PNPLA5: variants seen among roughly 807,000 people sequenced by gnomAD.
PNPLA5 encodes the protein patatin-like phospholipase domain-containing protein 5.
Under a neutral mutation model 49.1 loss-of-function variants are expected in PNPLA5, and 44 were observed. The ratio of observed to expected loss-of-function variants is 0.90; its 90% confidence interval spans 0.70 to 1.15. The LOEUF (loss-of-function observed/expected upper bound fraction) is 1.15. PNPLA5 is among the 50% of genes most tolerant of loss of function. PNPLA5 has a pLI of 0.00. For missense variants in PNPLA5, 603 were observed against 564.0 expected (o/e 1.07, Z -0.70); for synonymous variants, 243 against 244.4 (o/e 0.99, Z 0.06).
At chr22:43,889,763 C>A (rs2049703781) in intron 3 of PNPLA5, 36 bp downstream of exon 3, 1 of 1,602,596 alleles carries the variant, frequency 6.2e-7, no homozygotes, top group Non-Finnish European at 8.5e-7. Context: ...CCCCAGGCTG[C>A]CCAGAGCACA....
chr22:43,881,698 T>C (rs1245400691), intron 7 of PNPLA5, 24 bp from the exon 8 acceptor site: 1 of 1,611,006 alleles, frequency 6.2e-7, no homozygotes, highest in Non-Finnish European at 8.5e-7. Context: ...CAGGTCAGCT[T>C]TGCCCAGGTG....
In PNPLA5 at chr22:43,881,638, C is replaced by G. The variant is rs776633421; in HGVS notation, c.1119G>C (p.Leu373Phe). ...TCCTCAGCAGGCCCTGCATCCACCA[C>G]AAGTCCGCCGGCACATCGGGCAGCC... The part of the protein sequence containing the change: ...VVWLPDVPAD[L>F]WWMQGLLRNM... The change falls in exon 8 of 9, where the codon TTG becomes TTC. Residue 373 changes from leucine (L) to phenylalanine (F), a missense_variant. Physicochemically the swap from Leu to Phe is conservative, Grantham distance 22 (BLOSUM62 0). Coordinates refer to ENST00000216177, the MANE Select transcript of PNPLA5 (RefSeq NM_138814.4). The G allele has an allele frequency of 1.9e-6, 3 of 1,613,768 alleles. No individual in the cohort carries two copies. In the South Asian group the frequency reaches 3.3e-5, roughly 18 times the overall value.
At chr22:43,881,406 G>A (rs1277646147) in intron 8 of PNPLA5, 152 bp downstream of exon 8, 5 of 763,296 alleles carry the variant, frequency 6.6e-6, no homozygotes, top group South Asian at 5.6e-5. Context: ...CAACACACGT[G>A]CCAATGGCTG....
Position 43,886,444 on chromosome 22 carries a change from G to T in PNPLA5, c.808C>A (p.Pro270Thr), listed in dbSNP as rs759969959. The stretch of plus-strand genomic sequence containing the variant: ...CAGTTTCCGTCAGCCGGGGCTGGGG[G>T]TTCCTTAGACACCAGCGTCCATAGC... Reference protein sequence around the residue: ...PVLWTLVSKEPPAPADGNWDA... With the variant: ...PVLWTLVSKETPAPADGNWDA... Residue 270 changes from proline (P) to threonine (T), a missense_variant, in exon 6 of 9, where the codon CCC becomes ACC. By Grantham distance (38) the Pro-to-Thr change is conservative. Transcript: ENST00000216177. 1.9e-6 allele frequency: 3 copies of T among 1,614,120 alleles called. No individual in the cohort carries two copies. The South Asian group carries it at 3.3e-5, about 18-fold the overall frequency.
Position 43,887,642 on chromosome 22 carries a change from C to G in PNPLA5, c.712G>C (p.Asp238His), listed in dbSNP as rs749416949. Reference sequence around the variant, plus strand: ...TCCAGGTAGCCTTGTCTGCAGTTGTCGGCCACTACCTGCCAACACACAGGG... The same window carrying G: ...TCCAGGTAGCCTTGTCTGCAGTTGTGGGCCACTACCTGCCAACACACAGGG... The part of the protein sequence containing the change: ...LIPPSLEVVA[D>H]NCRQGYLDAL... The change falls in exon 5 of 9, where the codon GAC (aspartate) becomes CAC (histidine). Residue 238 changes from aspartate (D) to histidine (H), a missense_variant. Transcript: ENST00000216177. 4 of 1,603,970 alleles carry G rather than the reference C, an allele frequency of 2.5e-6. No homozygotes were observed. The highest frequency in any genetic ancestry group is 2.6e-6 in the Non-Finnish European group (3 of 1,174,600).
At chr22:43,883,457 C>A (rs1331949174) in intron 7 of PNPLA5, among the ~76,000 whole-genome samples, 2 of 152,252 alleles carry the variant, frequency 1.3e-5, no homozygotes, top group Non-Finnish European at 2.9e-5. Context: ...CATTAACCAG[C>A]AAGTCAGAAT....
chr22:43,887,493 G>A, intron 5 of PNPLA5, 98 bp downstream of exon 5: 1 of 1,394,230 alleles, frequency 7.2e-7, no homozygotes, highest in Admixed American at 2.0e-5. Flanking sequence ...AAGAGACTGA[G>A]TTAGCCCATG....
intron 8 of PNPLA5, 51 bp downstream of exon 8, chr22:43,881,507 T>TC (rs1300659059): frequency 1.3e-6 from 2 of 1,502,590 alleles, no homozygotes; most frequent in Non-Finnish European, 1.8e-6. Context: ...GCTGGTGCGT[T>TC]CCCCCCAGCA....
At chr22:43,883,527 G>C (rs1186309191) in intron 7 of PNPLA5, among the ~76,000 whole-genome samples, 1 of 152,236 alleles carries the variant, frequency 6.6e-6, no homozygotes, top group Non-Finnish European at 1.5e-5. Flanking sequence ...TACAGAAAAG[G>C]AACCTGTAGC....
In PNPLA5 at chr22:43,890,406, C is replaced by A. The variant is rs184224064; in HGVS notation, c.427-542G>T. Among the ~76,000 whole-genome samples, 37 of 152,350 alleles carry A rather than the reference C, an allele frequency of 2.4e-4. 1 individual carries two copies. In the East Asian group the frequency reaches 4.6e-3, roughly 19 times the overall value. ...CAACTAGGAGTGATTTTCTCCCCTA[C>A]AGGACACCTAACAATGTCAGAGACA... On this transcript the variant is annotated intron_variant, in intron 2 of 8. Coordinates refer to ENST00000216177, the MANE Select transcript of PNPLA5 (RefSeq NM_138814.4).
chr22:43,889,522 GC>G lies in PNPLA5; in HGVS notation c.508del (p.Ala170LeufsTer2). ...EFRGERYIDG[A>X]LSNNLPFADC... ...TGCAAAGGGCAAGTTGTTGCTCAGA[GC>G]CCCATCGATGTAGCGCTGCAATTTG... On this transcript the variant is annotated frameshift_variant, in exon 4 of 9. Transcript: ENST00000216177. LOFTEE classifies it high-confidence loss of function. The G allele has an allele frequency of 6.2e-7, 1 of 1,611,376 alleles. No homozygotes were observed. Among genetic ancestry groups the G allele is most frequent in the Non-Finnish European group, 8.5e-7 (1 of 1,178,304 alleles).
At chr22:43,885,879 G>A (rs1040420856) in intron 6 of PNPLA5, among the ~76,000 whole-genome samples, 7 of 152,206 alleles carry the variant, frequency 4.6e-5, no homozygotes, top group Non-Finnish European at 1.0e-4. Flanking sequence ...GTTGTTGGAA[G>A]GATGAAATGA....
Position 43,889,393 on chromosome 22 carries a change from C to G in PNPLA5, c.638G>C (p.Ser213Thr). 1 of 1,614,020 alleles carries G rather than the reference C, an allele frequency of 6.2e-7. No homozygotes were observed. Among genetic ancestry groups the G allele is most frequent in the South Asian group, 1.1e-5 (1 of 91,058 alleles). The change falls in exon 4 of 9, where the codon AGC (serine) becomes ACC (threonine). Residue 213 changes from serine to threonine, a missense_variant. Transcript: ENST00000216177. ...NLHELNVFNF[S>T]FQISTENFFL... ...GAAGTTCTCAGTGGAGATTTGGAAG[C>G]TGAAGTTGAAGACGTTCAGCTCATG...
Position 43,880,563 on chromosome 22 carries a change from T to C in PNPLA5, c.*232A>G. ...AGTAAGACATGTGTCTCTGTGGCTG[T>C]CCTCCTTTCTCTCCCTGATGAGACG... On this transcript the variant is annotated 3_prime_UTR_variant, in exon 9 of 9. Coordinates refer to ENST00000216177, the MANE Select transcript of PNPLA5 (RefSeq NM_138814.4). The C allele has an allele frequency of 2.5e-6, 1 of 404,434 alleles. No homozygotes were observed. Among genetic ancestry groups the C allele is most frequent in the South Asian group, 1.3e-4 (1 of 7,998 alleles). The allele number at this position is 404,434 out of a possible 1,614,324, so 25.1% of individuals were successfully genotyped here. A position where few individuals can be genotyped will look rare whatever the true frequency, so the allele number is the denominator to read the frequency against.
chr22:43,891,780 C>G lies in PNPLA5; in HGVS notation c.101G>C (p.Arg34Pro). Reference protein sequence around the residue: ...HVGATECLRQRAPRLLQGARR... With the variant: ...HVGATECLRQPAPRLLQGARR... ...GGCGCCCTGGAGGAGGCGCGGGGCT[C>G]GCTGGCGCAGGCATTCGGTGGCGCC... Residue 34 changes from arginine to proline, a missense_variant, in exon 1 of 9, where the codon CGA (arginine) becomes CCA (proline). Physicochemically the swap from Arg to Pro is moderately radical, Grantham distance 103. Coordinates refer to ENST00000216177, the MANE Select transcript of PNPLA5 (RefSeq NM_138814.4). The G allele has an allele frequency of 6.5e-7, 1 of 1,530,966 alleles. No homozygotes were observed. The highest frequency in any genetic ancestry group is 8.8e-7 in the Non-Finnish European group (1 of 1,141,406). The allele number at this position is 1,530,966 out of a possible 1,614,324, so 94.8% of individuals were successfully genotyped here. A position where few individuals can be genotyped will look rare whatever the true frequency, so the allele number is the denominator to read the frequency against.
chr22:43,891,181 C>T lies in PNPLA5; in HGVS notation c.307G>A (p.Ala103Thr). The stretch of plus-strand genomic sequence containing the variant: ...AGGACGTGGGCGTCGGGGGGCAGAG[C>T]ATCCTGCAGCTGCTGCTTGACGTGC... ...IEHVKQQLQD[A>T]LPPDAHVLAS... is the part of the protein sequence containing the mutation. Residue 103 changes from alanine to threonine, a missense_variant, in exon 2 of 9, where the codon GCT (alanine) becomes ACT (threonine). Coordinates refer to ENST00000216177, the MANE Select transcript of PNPLA5 (RefSeq NM_138814.4). The T allele has an allele frequency of 1.9e-6, 3 of 1,595,812 alleles. No homozygotes were observed. The highest frequency in any genetic ancestry group is 1.3e-5 in the African/African-American group (1 of 74,734).
chr22:43,891,263 A>T lies in PNPLA5; in HGVS notation c.225T>A (p.Val75=). 1.3e-6 allele frequency: 2 copies of T among 1,557,550 alleles called. No homozygotes were observed. The highest frequency in any genetic ancestry group is 1.7e-6 in the Non-Finnish European group (2 of 1,150,758). ...DFCCSHLLGM[V]GQLERLSLSI... is the part of the protein sequence containing the mutation. ...TTAGGCTCAGCCGCTCCAACTGCCC[A>T]ACCATGCCCAGGAGGTGGGAGCAGC... The change falls in exon 2 of 9, where the codon GTT becomes GTA. Residue 75 remains valine (V), a synonymous_variant. Transcript: ENST00000216177.
rs958387931 is a variant in PNPLA5 at position 43,883,380 on chromosome 22, G to T, written c.1082+833C>A. Among the ~76,000 whole-genome samples the T allele has an allele frequency of 3.3e-5, 5 of 152,264 alleles. 1 individual carries two copies. In the South Asian group the frequency reaches 6.2e-4, roughly 19 times the overall value. Reference sequence around the variant, plus strand: ...GGCTGCTTCCATGGCCCCCAGCCAGGCCTTGGCCCCTGAGAGGTCCTCAGC... The same window carrying T: ...GGCTGCTTCCATGGCCCCCAGCCAGTCCTTGGCCCCTGAGAGGTCCTCAGC... On this transcript the variant is annotated intron_variant, in intron 7 of 8. Transcript: ENST00000216177.
At chr22:43,888,412 T>G (rs866385597) in intron 4 of PNPLA5, among the ~76,000 whole-genome samples, 34 of 77,504 alleles carry the variant, frequency 4.4e-4, no homozygotes, top group African/African-American at 7.2e-4. Flanking sequence ...GTGTGTGTGT[T>G]TCTTTCTTTC....
Sources: allele counts gnomAD v4.1 joint callset (sites outside exome capture counted in the v4.1 genomes callset), GRCh38; gene constraint gnomAD v4.1.1; transcripts MANE v1.5; gene names NCBI Gene and HGNC (gene_info 2026-07-23, HGNC 2026-07-21).